Variants in NAV3 observed in about 807,000 individuals in gnomAD.
NAV3 encodes the protein pore membrane and/or filament interacting like protein 1.
NAV3 carries 87 observed loss-of-function variants against 244.7 expected under a neutral mutation model. The ratio of observed to expected loss-of-function variants is 0.36; its 90% CI spans 0.30 to 0.42. NAV3 has a LOEUF of 0.42. Ranked by LOEUF, NAV3 falls within the 20% of genes least tolerant of loss-of-function variation. The pLI, the probability that NAV3 is intolerant of heterozygous loss-of-function variation, is 1.00. For synonymous variants in NAV3, 1,126 were observed against 1,042.2 expected (o/e 1.08, Z -1.55); for missense variants, 2,663 against 2,893.3 (o/e 0.92, Z 1.83).
chr12:77,854,279 T>A (rs1878011410), intron 1 of NAV3, among the ~76,000 whole-genome samples: 1 of 152,200 alleles, frequency 6.6e-6, no homozygotes, highest in Admixed American at 6.5e-5. Context: ...CTGTTTCTGT[T>A]GATTCAGCTT....
At chr12:77,882,678 T>A (rs137887035) in intron 1 of NAV3, among the ~76,000 whole-genome samples, 74 of 152,218 alleles carry the variant, frequency 4.9e-4, no homozygotes, top group African/African-American at 1.4e-3. Flanking sequence ...TCACAAACTA[T>A]GTATTCAATG....
chr12:78,179,315 G>GA (rs1301423641), intron 28 of NAV3: 17 of 456,370 alleles, frequency 3.7e-5, no homozygotes, highest in Middle Eastern at 5.7e-4. Flanking sequence ...TTAAAAAATA[G>GA]AAAAAAAGAT....
intron 9 of NAV3, among the ~76,000 whole-genome samples, chr12:78,033,647 C>T (rs1378659064): frequency 6.6e-6 from 1 of 152,148 alleles, no homozygotes; most frequent in African/African-American, 2.4e-5. Context: ...GACAAACCTA[C>T]TGTAACCACA....
At chr12:77,614,258 A>G (rs562188395) in intron 2 of NAV3, among the ~76,000 whole-genome samples, 8 of 151,712 alleles carry the variant, frequency 5.3e-5, no homozygotes, top group East Asian at 2.0e-4. Context: ...GGACCCAGAC[A>G]TTGCCAAATG....
In NAV3 at chr12:78,203,035, A is replaced by G. The variant is rs927230477; in HGVS notation, c.6835-1900A>G. On this transcript the variant is annotated intron_variant, in intron 38 of 39. Coordinates refer to ENST00000397909, the MANE Select transcript of NAV3 (RefSeq NM_001024383.2). ...TGGTGAAAAACCTTATGGGGAATGC[A>G]CTCTGCCAGATGTTTTAGTTGGAAA... Among the ~76,000 whole-genome samples the G allele has an allele frequency of 5.3e-5, 8 of 152,136 alleles. 1 individual carries two copies. The highest frequency in any genetic ancestry group is 1.9e-4 in the African/African-American group (8 of 41,534).
chr12:77,687,822 A>C (rs1405890), intron 2 of NAV3, among the ~76,000 whole-genome samples: 140,667 of 152,088 alleles, frequency 0.92, 65,267 homozygotes, highest in East Asian at 1. Context: ...TGCACATTGT[A>C]TTACGGCTTA....
At chr12:77,961,901 C>G (rs1364757945) in intron 3 of NAV3, among the ~76,000 whole-genome samples, 1 of 151,644 alleles carries the variant, frequency 6.6e-6, no homozygotes, top group South Asian at 2.1e-4. Context: ...ATGATATATA[C>G]TTTAATATTT....
At chr12:77,594,964 T>A (rs1412940856) in intron 2 of NAV3, among the ~76,000 whole-genome samples, 2 of 152,162 alleles carry the variant, frequency 1.3e-5, no homozygotes, top group African/African-American at 4.8e-5. Flanking sequence ...GGTGCGCATA[T>A]AAATTAGTGG....
intron 18 of NAV3, among the ~76,000 whole-genome samples, chr12:78,134,664 G>A (rs1956297832): frequency 6.6e-6 from 1 of 152,112 alleles, no homozygotes; most frequent in South Asian, 2.1e-4. Context: ...TGGGGCAAGA[G>A]GATCCCTTGT....
At chr12:78,032,483 T>C (rs1593332335) in intron 9 of NAV3, among the ~76,000 whole-genome samples, 1 of 152,224 alleles carries the variant, frequency 6.6e-6, no homozygotes, top group African/African-American at 2.4e-5. Context: ...TCTTCATAAG[T>C]CTTCAGTGCA....
chr12:77,663,965 C>T (rs1488963638), intron 2 of NAV3, among the ~76,000 whole-genome samples: 2 of 152,076 alleles, frequency 1.3e-5, no homozygotes, highest in Non-Finnish European at 2.9e-5. Flanking sequence ...ATATTTTTAC[C>T]ATTATTATTA....
At chr12:77,779,988 GGATA>G (rs749112192) in intron 2 of NAV3, among the ~76,000 whole-genome samples, 1 of 152,036 alleles carries the variant, frequency 6.6e-6, no homozygotes, top group Non-Finnish European at 1.5e-5. Context: ...TTCTCCTGTT[GGATA>G]GTTTCTTTGG....
intron 9 of NAV3, among the ~76,000 whole-genome samples, chr12:78,032,815 C>G (rs978460511): frequency 1.3e-5 from 2 of 152,182 alleles, no homozygotes; most frequent in African/African-American, 4.8e-5. Flanking sequence ...TCATCATCTT[C>G]CAAGTGATTC....
intron 5 of NAV3, among the ~76,000 whole-genome samples, chr12:77,979,976 A>G (rs1869266088): frequency 6.6e-6 from 1 of 152,178 alleles, no homozygotes; most frequent in Non-Finnish European, 1.5e-5. Context: ...AGGGGTTTAT[A>G]TGGCAAGGAA....
At chr12:78,109,171 C>T (rs1260385524) in intron 12 of NAV3, among the ~76,000 whole-genome samples, 1 of 151,968 alleles carries the variant, frequency 6.6e-6, no homozygotes, top group Non-Finnish European at 1.5e-5. Context: ...CTATTATTAA[C>T]AACTATATGC....
chr12:77,662,658 G>A (rs1006003215), intron 2 of NAV3, among the ~76,000 whole-genome samples: 1 of 151,960 alleles, frequency 6.6e-6, no homozygotes, highest in Non-Finnish European at 1.5e-5. Context: ...TCCTAACTAT[G>A]ATTAATATGT....
intron 18 of NAV3, among the ~76,000 whole-genome samples, chr12:78,129,649 A>G (rs1464483674): frequency 1.3e-5 from 2 of 152,168 alleles, no homozygotes; most frequent in East Asian, 1.9e-4. Context: ...TTTATTTTCT[A>G]TAAAGTCACA....
chr12:78,145,938 C>G (rs1240411389), intron 20 of NAV3, among the ~76,000 whole-genome samples: 1 of 152,102 alleles, frequency 6.6e-6, no homozygotes, highest in Non-Finnish European at 1.5e-5. Flanking sequence ...ATTCTGACAT[C>G]TAAACCTTGG....
intron 11 of NAV3, among the ~76,000 whole-genome samples, chr12:78,056,772 A>G (rs1385292390): frequency 6.6e-6 from 1 of 152,210 alleles, no homozygotes; most frequent in East Asian, 1.9e-4. Flanking sequence ...AAGTTGAATC[A>G]TAAATTTAAC....
Sources: allele counts gnomAD v4.1 joint callset (sites outside exome capture counted in the v4.1 genomes callset), GRCh38; gene constraint gnomAD v4.1.1; transcripts MANE v1.5; gene names NCBI Gene and HGNC (gene_info 2026-07-23, HGNC 2026-07-21).